ZMAT4: variants seen among roughly 807,000 people sequenced by gnomAD.
ZMAT4 encodes zinc finger matrin-type 4.
ZMAT4 carries 17 observed loss-of-function variants against 28.7 expected under a neutral mutation model. That is an observed-to-expected ratio of 0.59 (90% CI 0.41 to 0.89). The LOEUF is 0.89. Among genes scored for constraint, ZMAT4 ranks in the 40% least tolerant of loss-of-function variants. ZMAT4 has a pLI of 0.00. For synonymous variants in ZMAT4, 117 were observed against 109.2 expected, an observed-to-expected ratio of 1.07 and a Z score of -0.44; for missense variants, 240 against 283.8, an observed-to-expected ratio of 0.85 and a Z score of 1.11.
At chr8:40,808,369 C>A (rs536573875) in intron 2 of ZMAT4, 6 of 280,880 alleles carry the variant, frequency 2.1e-5, no homozygotes, top group Admixed American at 9.6e-5. Flanking sequence ...AATGAAAATG[C>A]AGCTTAAGGG....
intron 2 of ZMAT4, among the ~76,000 whole-genome samples, chr8:40,793,212 C>T (rs933442050): frequency 6.6e-5 from 10 of 152,140 alleles, no homozygotes; most frequent in African/African-American, 1.7e-4. Context: ...TGGGTACTTT[C>T]GCTCAATTTT....
chr8:40,645,092 G>T (rs928648650), intron 5 of ZMAT4, among the ~76,000 whole-genome samples: 1 of 152,022 alleles, frequency 6.6e-6, no homozygotes, highest in Admixed American at 6.6e-5. Context: ...TAAAAATTAA[G>T]GAAATCTGAA....
chr8:40,808,623 T>A (rs1260046173), intron 2 of ZMAT4: 5 of 452,602 alleles, frequency 1.1e-5, no homozygotes, highest in Non-Finnish European at 2.2e-5. Context: ...GAGGTAGGTG[T>A]GAGCTCCCGT....
At chr8:40,858,466 C>T (rs189556822) in intron 1 of ZMAT4, among the ~76,000 whole-genome samples, 157 of 152,212 alleles carry the variant, frequency 1.0e-3, no homozygotes, top group African/African-American at 3.6e-3. Flanking sequence ...CCTTCTGGAT[C>T]CTAAGATTGA....
chr8:40,602,481 C>T (rs1466673040), intron 5 of ZMAT4, among the ~76,000 whole-genome samples: 1 of 152,170 alleles, frequency 6.6e-6, no homozygotes, highest in Non-Finnish European at 1.5e-5. Flanking sequence ...AGTTTACATT[C>T]ACACCAAAGG....
intron 5 of ZMAT4, among the ~76,000 whole-genome samples, chr8:40,583,663 G>A (rs957725215): frequency 5.9e-5 from 9 of 152,164 alleles, no homozygotes; most frequent in African/African-American, 2.2e-4. Context: ...AGGTCCTGAG[G>A]ACATGTGCCC....
intron 3 of ZMAT4, among the ~76,000 whole-genome samples, chr8:40,705,957 T>A (rs557124618): frequency 1.3e-5 from 2 of 152,360 alleles, no homozygotes; most frequent in East Asian, 3.9e-4. Context: ...TCAGACTATC[T>A]GCATTTCAAG....
intron 6 of ZMAT4, among the ~76,000 whole-genome samples, chr8:40,577,909 G>A (rs535082583): frequency 6.6e-5 from 10 of 151,790 alleles, no homozygotes; most frequent in East Asian, 3.9e-4. Context: ...CCTCTACAAA[G>A]AACTCTAGAA....
At chr8:40,651,684 A>G (rs1807658781) in intron 5 of ZMAT4, among the ~76,000 whole-genome samples, 1 of 151,858 alleles carries the variant, frequency 6.6e-6, no homozygotes, top group Admixed American at 6.6e-5. Context: ...ACTATACTAC[A>G]AGGCTACAGT....
At chr8:40,873,268 T>C (rs768023607) in intron 1 of ZMAT4, among the ~76,000 whole-genome samples, 1 of 152,214 alleles carries the variant, frequency 6.6e-6, no homozygotes, top group Non-Finnish European at 1.5e-5. Context: ...TATTTGTTTT[T>C]CTGGCTACAA....
intron 5 of ZMAT4, among the ~76,000 whole-genome samples, chr8:40,663,118 C>G (rs1585841054): frequency 6.6e-6 from 1 of 152,158 alleles, no homozygotes; most frequent in East Asian, 1.9e-4. Context: ...TGGTTCCAAT[C>G]TGTCTTCTCA....
chr8:40,819,894 T>A, intron 2 of ZMAT4, among the ~76,000 whole-genome samples: 1 of 152,132 alleles, frequency 6.6e-6, no homozygotes, highest in Non-Finnish European at 1.5e-5. Context: ...ATATAGCAAA[T>A]ATATATGTTT....
At chr8:40,729,601 T>TTTC (rs1563441096) in intron 3 of ZMAT4, among the ~76,000 whole-genome samples, 1,133 of 68,302 alleles carry the variant, frequency 0.017, 10 homozygotes, top group African/African-American at 0.041. Context: ...TTCTTTCTTT[T>TTTC]TTTTTTTTTT....
chr8:40,760,181 C>T (rs531245211), intron 3 of ZMAT4, among the ~76,000 whole-genome samples: 1 of 152,308 alleles, frequency 6.6e-6, no homozygotes, highest in Admixed American at 6.5e-5. Context: ...TTTAGTTGCT[C>T]ACTCACAGCA....
At chr8:40,674,645 G>T in intron 5 of ZMAT4, 59 bp downstream of exon 5, 1 of 1,351,416 alleles carries the variant, frequency 7.4e-7, no homozygotes, top group Non-Finnish European at 1.1e-6. Context: ...ATTTGTGAAA[G>T]CCGCATCTTT....
chr8:40,762,889 G>T (rs537045023), intron 3 of ZMAT4, among the ~76,000 whole-genome samples: 2 of 152,280 alleles, frequency 1.3e-5, no homozygotes, highest in African/African-American at 4.8e-5. Flanking sequence ...TGTTACAGCA[G>T]CCTTAGGTAG....
chr8:40,580,968 A>T (rs1364823221), intron 6 of ZMAT4, among the ~76,000 whole-genome samples, 197 bp downstream of exon 6: 1 of 152,218 alleles, frequency 6.6e-6, no homozygotes, highest in African/African-American at 2.4e-5. Context: ...AATGAAAAAA[A>T]GAGATTCTTA....
chr8:40,848,650 A>T (rs892797984), intron 1 of ZMAT4, among the ~76,000 whole-genome samples: 2 of 152,180 alleles, frequency 1.3e-5, no homozygotes, highest in African/African-American at 4.8e-5. Flanking sequence ...CAGGGATAAT[A>T]ATAACCACAT....
chr8:40,760,313 G>A lies in ZMAT4; in HGVS notation c.192+7328C>T, dbSNP rs140544052. Among the ~76,000 whole-genome samples, 260 of 152,240 alleles carry A rather than the reference G, an allele frequency of 1.7e-3. 1 individual carries two copies. The highest frequency in any genetic ancestry group is 5.5e-3 in the African/African-American group (228 of 41,534). ...TATGATCAGTCCTTACCTAAGTGCT[G>A]ATTTTTTTCTTTTATTTGACCCTTT... On this transcript the variant is annotated intron_variant, in intron 3 of 6. Transcript: ENST00000297737.
Sources: allele counts gnomAD v4.1 joint callset (sites outside exome capture counted in the v4.1 genomes callset), GRCh38; gene constraint gnomAD v4.1.1; transcripts MANE v1.5; gene names NCBI Gene and HGNC (gene_info 2026-07-23, HGNC 2026-07-21).